The following UBE2O variants were observed in gnomAD, a reference collection of about 807,000 sequenced individuals.
UBE2O encodes the protein (E3-independent) E2 ubiquitin-conjugating enzyme.
In UBE2O, 15 loss-of-function variants were observed where a neutral mutation model predicts 125.8. The ratio of observed to expected loss-of-function variants is 0.12; its 90% CI spans 0.08 to 0.18. UBE2O has a LOEUF of 0.18. UBE2O is among the 10% of genes least tolerant of loss of function. The pLI is 1.00. For synonymous variants in UBE2O, 708 were observed against 703.2 expected (o/e 1.01, Z -0.11); for missense variants, 1,280 against 1,723.6 (o/e 0.74, Z 4.56).
rs564743855 is a variant in UBE2O, at chr17:76,449,969, T to C, written c.417+2756A>G. ...AAGTTTCTCAAAACCATCACTACTG[T>C]AGTCCCAGCTACCTGGGAGGCTGAG... On this transcript the variant is annotated intron_variant, in intron 1 of 17. Transcript: ENST00000319380. 3.9e-5 allele frequency among the ~76,000 whole-genome samples: 6 copies of C among 151,968 alleles called. No individual in the cohort carries two copies. The South Asian group carries it at 1.2e-3, about 32-fold the overall frequency.
At chr17:76,451,040 C>T (rs572108055) in intron 1 of UBE2O, among the ~76,000 whole-genome samples, 96 of 152,334 alleles carry the variant, frequency 6.3e-4, no homozygotes, top group African/African-American at 2.2e-3. Flanking sequence ...TCAAGACGGA[C>T]GGGAACAACA....
At chr17:76,407,813 C>T (rs1053448590) in intron 1 of UBE2O, among the ~76,000 whole-genome samples, 2 of 152,228 alleles carry the variant, frequency 1.3e-5, no homozygotes, top group South Asian at 2.1e-4. Context: ...CCATTCTTCC[C>T]GTGGGGTCTC....
At chr17:76,438,501 C>T (rs2073032998) in intron 1 of UBE2O, among the ~76,000 whole-genome samples, 1 of 152,166 alleles carries the variant, frequency 6.6e-6, no homozygotes, top group Admixed American at 6.5e-5. Flanking sequence ...CTGTGAAACA[C>T]ATGCTTTACC....
intron 1 of UBE2O, among the ~76,000 whole-genome samples, chr17:76,413,887 G>A (rs2072556565): frequency 6.6e-6 from 1 of 152,212 alleles, no homozygotes; most frequent in African/African-American, 2.4e-5. Context: ...AACCAGGAGA[G>A]GCAGAAAATG....
rs115767481 is a variant in UBE2O, at chr17:76,406,107, G to A, written c.418-535C>T. Among the ~76,000 whole-genome samples, 399 of 152,274 alleles carry A rather than the reference G, an allele frequency of 2.6e-3. 6 individuals carry two copies. Among genetic ancestry groups the A allele is most frequent in the African/African-American group, 8.4e-3 (349 of 41,552 alleles). ...CTGGGTTATCCTCCTGACCAGCTGC[G>A]GCCTGCACCTTATCTGCTGCGCTTG... On this transcript the variant is annotated intron_variant, in intron 1 of 17. Coordinates refer to ENST00000319380, the MANE Select transcript of UBE2O (RefSeq NM_022066.4).
intron 1 of UBE2O, among the ~76,000 whole-genome samples, chr17:76,440,839 G>A (rs778907795): frequency 6.6e-6 from 1 of 152,206 alleles, no homozygotes; most frequent in Non-Finnish European, 1.5e-5. Context: ...TTGTGAAGGA[G>A]ACAGTATAGC....
chr17:76,436,512 C>T (rs2073000376), intron 1 of UBE2O, among the ~76,000 whole-genome samples: 1 of 152,150 alleles, frequency 6.6e-6, no homozygotes, highest in Non-Finnish European at 1.5e-5. Flanking sequence ...GAAGAACAGA[C>T]TATTACACCT....
intron 1 of UBE2O, among the ~76,000 whole-genome samples, chr17:76,409,863 T>C (rs542479125): frequency 2.6e-4 from 39 of 152,208 alleles, no homozygotes; most frequent in African/African-American, 7.7e-4. Context: ...GCAGGGGGGA[T>C]GCAGACAGAC....
rs1193310354 is a variant in UBE2O, at chr17:76,452,298, C to T, written c.417+427G>A. ...CTTTGTTTTGGAATGCCCACAACCC[C>T]TCCCTGCACGGACCCGGCACGGCCT... On this transcript the variant is annotated intron_variant, in intron 1 of 17. Coordinates refer to ENST00000319380, the MANE Select transcript of UBE2O (RefSeq NM_022066.4). This position sits in a 1 kb window ranked among gnomAD's most constrained non-coding sequence, Gnocchi z 4.4. Among the ~76,000 whole-genome samples the T allele has an allele frequency of 6.6e-6, 1 of 152,188 alleles. No individual in the cohort carries two copies. The highest frequency in any genetic ancestry group is 1.5e-5 in the Non-Finnish European group (1 of 68,048).
chr17:76,452,740 A>G lies in UBE2O; in HGVS notation c.402T>C (p.His134=), dbSNP rs375540388. The G allele has an allele frequency of 2.3e-5, 34 of 1,495,912 alleles. No homozygotes were observed. The highest frequency in any genetic ancestry group is 2.7e-5 in the Non-Finnish European group (31 of 1,132,478). The allele number at this position is 1,495,912 out of a possible 1,614,324, so 92.7% of individuals were successfully genotyped here. ...VQWYPEGVKQ[H]VKETKLKLED... ...CCCGCCGCACCTTGGTCTCCTTCAC[A>G]TGCTGCTTGACGCCCTCCGGGTACC... Residue 134 remains histidine (H), a synonymous_variant, in exon 1 of 18, where the codon CAT becomes CAC. Transcript: ENST00000319380. This position sits in a 1 kb window ranked among gnomAD's most constrained non-coding sequence, Gnocchi z 4.4.
chr17:76,434,402 G>A (rs1336928648), intron 1 of UBE2O, among the ~76,000 whole-genome samples: 3 of 152,164 alleles, frequency 2.0e-5, no homozygotes, highest in Non-Finnish European at 4.4e-5. Flanking sequence ...CAACGCGTAG[G>A]AAACACAGTC....
rs547597651 is a variant in UBE2O, at chr17:76,424,311, C to T, written c.418-18739G>A. Reference sequence around the variant, plus strand: ...GCAACCTCTGTCTCCCAGGTTCAAGCGATTCTCCTGTCTCAGCCTCCCCAG... The same window carrying T: ...GCAACCTCTGTCTCCCAGGTTCAAGTGATTCTCCTGTCTCAGCCTCCCCAG... On this transcript the variant is annotated intron_variant, in intron 1 of 17. Coordinates refer to ENST00000319380, the MANE Select transcript of UBE2O (RefSeq NM_022066.4). Among the ~76,000 whole-genome samples the T allele has an allele frequency of 1.8e-3, 262 of 148,242 alleles. 1 individual carries two copies. Among genetic ancestry groups the T allele is most frequent in the African/African-American group, 5.9e-3 (241 of 40,518 alleles).
chr17:76,421,191 G>C (rs1434134439), intron 1 of UBE2O, among the ~76,000 whole-genome samples: 2 of 152,138 alleles, frequency 1.3e-5, no homozygotes, highest in Non-Finnish European at 2.9e-5. Flanking sequence ...CACAGCTACA[G>C]TGAGCTCCCT....
At chr17:76,428,111 C>T (rs60762375) in intron 1 of UBE2O, among the ~76,000 whole-genome samples, 2,787 of 152,278 alleles carry the variant, frequency 0.018, 89 homozygotes, top group African/African-American at 0.063. Flanking sequence ...GCTCAAGCTA[C>T]CATGTCACTG....
intron 1 of UBE2O, among the ~76,000 whole-genome samples, chr17:76,428,748 TGG>T (rs2072854527): frequency 1.3e-5 from 2 of 152,216 alleles, no homozygotes; most frequent in Non-Finnish European, 2.9e-5. Context: ...CTGTTACATG[TGG>T]TTACATGAAT....
At chr17:76,432,117 C>A (rs2072916379) in intron 1 of UBE2O, among the ~76,000 whole-genome samples, 1 of 152,174 alleles carries the variant, frequency 6.6e-6, no homozygotes, top group Admixed American at 6.5e-5. Flanking sequence ...CAGCAGACAG[C>A]CACACAGCAT....
At chr17:76,423,050 G>A (rs550699508) in intron 1 of UBE2O, among the ~76,000 whole-genome samples, 1 of 152,340 alleles carries the variant, frequency 6.6e-6, no homozygotes, top group Non-Finnish European at 1.5e-5. Context: ...CCAATGGGTG[G>A]CGTGGGCAGA....
At chr17:76,446,867 A>AGG (rs1232233533) in intron 1 of UBE2O, among the ~76,000 whole-genome samples, 1 of 152,194 alleles carries the variant, frequency 6.6e-6, no homozygotes, top group Non-Finnish European at 1.5e-5. Flanking sequence ...TTCAACATTG[A>AGG]GGGGCAGTCA....
chr17:76,421,430 T>C (rs944868984), intron 1 of UBE2O, among the ~76,000 whole-genome samples: 1 of 152,114 alleles, frequency 6.6e-6, no homozygotes, highest in Non-Finnish European at 1.5e-5. Flanking sequence ...TGCAATGGCG[T>C]GATCTCGGCA....
Sources: allele counts gnomAD v4.1 joint callset (sites outside exome capture counted in the v4.1 genomes callset), GRCh38; gene constraint gnomAD v4.1.1; non-coding constraint Gnocchi (gnomAD v3.1); transcripts MANE v1.5; gene names NCBI Gene and HGNC (gene_info 2026-07-23, HGNC 2026-07-21).